Variants in HTR3B observed in about 807,000 individuals in gnomAD.
HTR3B encodes 5-hydroxytryptamine receptor 3B.
In HTR3B, 44 loss-of-function variants were observed where a neutral mutation model predicts 42.8. The ratio of observed to expected loss-of-function variants is 1.03; its 90% confidence interval spans 0.81 to 1.32. The LOEUF (loss-of-function observed/expected upper bound fraction) is 1.32. Ranked by LOEUF, HTR3B falls within the 40% of genes most tolerant of loss-of-function variation. The pLI is 0.00. For synonymous variants in HTR3B, 203 were observed against 209.0 expected (o/e 0.97, Z 0.25); for missense variants, 527 against 536.5 (o/e 0.98, Z 0.17).
intron 2 of HTR3B, among the ~76,000 whole-genome samples, chr11:113,925,228 C>A (rs539033887): frequency 6.6e-6 from 1 of 152,160 alleles, no homozygotes; most frequent in Non-Finnish European, 1.5e-5. Context: ...GATAATTGGA[C>A]AATTAATTTC....
At chr11:113,932,109 G>A (rs964724997) in intron 4 of HTR3B, among the ~76,000 whole-genome samples, 180 bp from the exon 5 acceptor site, 4 of 152,176 alleles carry the variant, frequency 2.6e-5, no homozygotes, top group African/African-American at 7.2e-5. Flanking sequence ...GTTAACTTAC[G>A]AGGCTGTCAC....
chr11:113,936,808 G>A (rs1950095698), intron 6 of HTR3B, among the ~76,000 whole-genome samples: 1 of 152,138 alleles, frequency 6.6e-6, no homozygotes, highest in South Asian at 2.1e-4. Context: ...AATTCCAACT[G>A]TGTCATAAAG....
At position 113,947,878 on chromosome 11, in the gene HTR3B, T is replaced by G. The variant is rs891485199; in HGVS notation, c.*1741T>G. Among the ~76,000 whole-genome samples, 1 of 152,188 alleles carries G rather than the reference T, an allele frequency of 6.6e-6. No individual in the cohort carries two copies. The highest frequency in any genetic ancestry group is 2.1e-4 in the South Asian group (1 of 4,834). On this transcript the variant is annotated 3_prime_UTR_variant, in exon 9 of 9. Transcript: ENST00000260191. ...AGAGTAGGCTGGCAGGCTGGAGACC[T>G]GCTGACAGTCTTAACGCTGTCAGTA...
chr11:113,928,071 C>T (rs1006092009), intron 2 of HTR3B, among the ~76,000 whole-genome samples: 42 of 152,192 alleles, frequency 2.8e-4, no homozygotes, highest in African/African-American at 1.0e-3. Context: ...GTGTGTGGTT[C>T]CCCTCTCCGT....
chr11:113,901,452 A>C (rs569979039), upstream of HTR3B, among the ~76,000 whole-genome samples: 3 of 152,134 alleles, frequency 2.0e-5, no homozygotes, highest in Admixed American at 2.0e-4. Flanking sequence ...TAGGGAAAAA[A>C]AAAAAAAAAG....
chr11:113,922,782 C>T (rs1383802680), intron 2 of HTR3B, among the ~76,000 whole-genome samples: 2 of 151,622 alleles, frequency 1.3e-5, no homozygotes, highest in African/African-American at 4.8e-5. Flanking sequence ...GTCTCAATCT[C>T]CTCACCTCGT....
rs754007450 is a variant in HTR3B at position 113,948,230 on chromosome 11, G to C, written c.*2093G>C. On this transcript the variant is annotated 3_prime_UTR_variant, in exon 9 of 9. Transcript: ENST00000260191. ...TTTGACGTGCTCAGTTAGGCATCAC[G>C]GTCCTGATGTCACCTTAGCTTGCCA... Among the ~76,000 whole-genome samples, 3 of 152,262 alleles carry C rather than the reference G, an allele frequency of 2.0e-5. No individual in the cohort carries two copies. Among genetic ancestry groups the C allele is most frequent in the Non-Finnish European group, 4.4e-5 (3 of 68,024 alleles).
At chr11:113,926,488 C>CCTTTCCTTTCT (rs1949975143) in intron 2 of HTR3B, among the ~76,000 whole-genome samples, 5 of 133,582 alleles carry the variant, frequency 3.7e-5, no homozygotes, top group Non-Finnish European at 6.5e-5. Context: ...CTTTCCTTTC[C>CCTTTCCTTTCT]TTTCCTTTCC....
upstream of HTR3B, among the ~76,000 whole-genome samples, chr11:113,903,852 C>T (rs1285061275): frequency 1.3e-5 from 2 of 152,180 alleles, no homozygotes; most frequent in Non-Finnish European, 2.9e-5. Context: ...ATACCACTCC[C>T]TTCACCAACA....
chr11:113,927,585 CAG>C (rs1295370576), intron 2 of HTR3B, among the ~76,000 whole-genome samples: 2 of 149,822 alleles, frequency 1.3e-5, no homozygotes, highest in East Asian at 3.9e-4. Context: ...TTTTTTGAGA[CAG>C]AGTCTCGCTT....
intron 2 of HTR3B, among the ~76,000 whole-genome samples, chr11:113,911,559 C>T (rs1949793627): frequency 6.6e-6 from 1 of 151,918 alleles, no homozygotes; most frequent in African/African-American, 2.4e-5. Flanking sequence ...TGGAGTCTCA[C>T]TCTGTTGCCC....
intron 2 of HTR3B, 145 bp downstream of exon 2, chr11:113,909,600 G>GCAAAA (rs1949766938): frequency 3.0e-6 from 2 of 675,624 alleles, no homozygotes; most frequent in African/African-American, 1.8e-5. Context: ...TAGCAGTTAG[G>GCAAAA]TAAAATATTC....
At chr11:113,932,786 C>T in intron 5 of HTR3B, 150 bp from the exon 6 acceptor site, 1 of 731,810 alleles carries the variant, frequency 1.4e-6, no homozygotes, top group Non-Finnish European at 2.3e-6. Flanking sequence ...TTTTATTCCA[C>T]ATCCCTACCC....
At chr11:113,917,767 G>A (rs1426770446) in intron 2 of HTR3B, among the ~76,000 whole-genome samples, 2 of 151,988 alleles carry the variant, frequency 1.3e-5, no homozygotes, top group Non-Finnish European at 2.9e-5. Flanking sequence ...ACCACACCCA[G>A]CTGGTTTTTG....
Position 113,909,327 on chromosome 11 carries a change from G to T in HTR3B, c.85G>T (p.Asp29Tyr). Reference sequence around the variant, plus strand: ...AGCCACAGATACACATCATCCCCAGGATTCTGCTCTGTATCATCTCAGCAA... The same window carrying T: ...AGCCACAGATACACATCATCCCCAGTATTCTGCTCTGTATCATCTCAGCAA... ...ILATDTHHPQ[D>Y]SALYHLSKQL... is the part of the protein sequence containing the mutation. The change falls in exon 2 of 9, where the codon GAT (aspartate) becomes TAT (tyrosine). Residue 29 changes from aspartate (D) to tyrosine (Y), a missense_variant. Asp to Tyr is a radical substitution (Grantham distance 160). Transcript: ENST00000260191. The T allele has an allele frequency of 6.2e-7, 1 of 1,613,164 alleles. No individual in the cohort carries two copies. Among genetic ancestry groups the T allele is most frequent in the Non-Finnish European group, 8.5e-7 (1 of 1,179,130 alleles).
intron 6 of HTR3B, among the ~76,000 whole-genome samples, chr11:113,933,526 A>C (rs894692686): frequency 4.6e-5 from 7 of 152,166 alleles, no homozygotes; most frequent in African/African-American, 1.7e-4. Flanking sequence ...TTCCAGATGC[A>C]GATGCATAAT....
intron 6 of HTR3B, among the ~76,000 whole-genome samples, chr11:113,936,507 A>T (rs112247609): frequency 6.6e-6 from 1 of 152,246 alleles, no homozygotes; most frequent in African/African-American, 2.4e-5. Context: ...TATAAACTTG[A>T]TAGAAAATCA....
At position 113,933,068 on chromosome 11, in the gene HTR3B, G is replaced by A. The variant is rs1420775583; in HGVS notation, c.671G>A (p.Gly224Glu). The change falls in exon 6 of 9, where the codon GGA (glycine) becomes GAA (glutamate). Residue 224 changes from glycine to glutamate, a missense_variant. Transcript: ENST00000260191. ...STYSILQSSA[G>E]GFAQIQFNVV... ...TACAGCATCCTGCAGAGCAGCGCTG[G>A]AGGATTTGCACAGATTCAGTTTAAT... 2 of 1,614,060 alleles carry A rather than the reference G, an allele frequency of 1.2e-6. No individual in the cohort carries two copies. Among genetic ancestry groups the A allele is most frequent in the Non-Finnish European group, 1.7e-6 (2 of 1,179,970 alleles).
intron 2 of HTR3B, among the ~76,000 whole-genome samples, chr11:113,914,692 G>A (rs1297246926): frequency 2.0e-5 from 3 of 151,778 alleles, no homozygotes; most frequent in African/African-American, 2.4e-5. Context: ...TATATTACAC[G>A]TTTGTTGATG....
Sources: allele counts gnomAD v4.1 joint callset (sites outside exome capture counted in the v4.1 genomes callset), GRCh38; gene constraint gnomAD v4.1.1; transcripts MANE v1.5; gene names NCBI Gene and HGNC (gene_info 2026-07-23, HGNC 2026-07-21).